MECOM: variants seen among roughly 807,000 people sequenced by gnomAD.
MECOM encodes the protein MDS1 and EVI1 complex locus, also known as histone-lysine N-methyltransferase MECOM.
Under a neutral mutation model 116.3 loss-of-function variants are expected in MECOM, and 13 were observed. That is an observed-to-expected ratio of 0.11 (90% CI 0.07 to 0.18). The LOEUF is 0.18. MECOM is among the 10% of genes least tolerant of loss of function. The pLI, the probability that MECOM is intolerant of heterozygous loss-of-function variation, is 1.00. For missense variants in MECOM, 1,299 were observed against 1,509.0 expected, an observed-to-expected ratio of 0.86 and a Z score of 2.31; for synonymous variants, 528 against 535.2, an observed-to-expected ratio of 0.99 and a Z score of 0.19.
At chr3:169,306,564 C>A (rs1209152369) in intron 2 of MECOM, among the ~76,000 whole-genome samples, 1 of 152,116 alleles carries the variant, frequency 6.6e-6, no homozygotes, top group Non-Finnish European at 1.5e-5. Context: ...CACCTGTAAT[C>A]CCAGCTACTC....
chr3:169,140,806 C>T (rs1305878096), intron 3 of MECOM, among the ~76,000 whole-genome samples: 1 of 62,448 alleles, frequency 1.6e-5, no homozygotes, highest in Non-Finnish European at 4.1e-5. Context: ...AACTGGGTTG[C>T]TTTCATTTTT....
chr3:169,418,893 C>T (rs757136376), intron 1 of MECOM, among the ~76,000 whole-genome samples: 1 of 152,090 alleles, frequency 6.6e-6, no homozygotes, highest in Non-Finnish European at 1.5e-5. Context: ...GAATTTCTGG[C>T]CAAGGCAATC....
intron 2 of MECOM, among the ~76,000 whole-genome samples, chr3:169,226,793 AACTG>A (rs1419759395): frequency 6.6e-6 from 1 of 152,236 alleles, no homozygotes; most frequent in Non-Finnish European, 1.5e-5. Flanking sequence ...GAAGGAATTT[AACTG>A]ACTGTGCTGA....
intron 2 of MECOM, among the ~76,000 whole-genome samples, chr3:169,150,923 C>A (rs1256865583): frequency 3.3e-5 from 5 of 152,104 alleles, no homozygotes; most frequent in Admixed American, 6.5e-5. Flanking sequence ...TCCTTCCTTC[C>A]CCAGCTGTGT....
chr3:169,092,815 G>T, intron 14 of MECOM, 143 bp downstream of exon 14: 1 of 840,754 alleles, frequency 1.2e-6, no homozygotes, highest in Non-Finnish European at 1.8e-6. Context: ...AGCATTTAAT[G>T]TGGTATTTAA....
intron 1 of MECOM, among the ~76,000 whole-genome samples, chr3:169,646,346 G>A (rs1203544579): frequency 6.6e-6 from 1 of 151,196 alleles, no homozygotes; most frequent in Non-Finnish European, 1.5e-5. Context: ...ATAGCATTAG[G>A]AGACATACCT....
chr3:169,120,255 T>C (rs1730542427), intron 7 of MECOM, among the ~76,000 whole-genome samples: 1 of 152,174 alleles, frequency 6.6e-6, no homozygotes, highest in Admixed American at 6.5e-5. Context: ...GAACAACTGA[T>C]TTTACTTATA....
chr3:169,598,159 C>T (rs1298202801), intron 1 of MECOM, among the ~76,000 whole-genome samples: 1 of 152,284 alleles, frequency 6.6e-6, no homozygotes, highest in South Asian at 2.1e-4. Context: ...ACAAAAAATT[C>T]ATTTTTCTCC....
rs774100622 is a variant in MECOM at position 169,115,490 on chromosome 3, G to A, written c.2382C>T (p.Asn794=). Reference sequence around the variant, plus strand: ...TTCCTTTTTTTCCCCCAAACACGTGGTTTTTTCGAGGCTCAGTCAGCTTTG... The same window carrying A: ...TTCCTTTTTTTCCCCCAAACACGTGATTTTTTCGAGGCTCAGTCAGCTTTG... The part of the protein sequence containing the change: ...SGTKLTEPRK[N]HVFGGKKGSN... The change falls in exon 8 of 17, where the codon AAC becomes AAT. Residue 794 remains asparagine (N), a synonymous_variant. Coordinates refer to ENST00000651503, the MANE Select transcript of MECOM (RefSeq NM_004991.4). The A allele has an allele frequency of 4.3e-6, 7 of 1,614,092 alleles. No homozygotes were observed. In the South Asian group the frequency reaches 5.5e-5, roughly 13 times the overall value.
At chr3:169,169,835 A>AC (rs975470907) in intron 2 of MECOM, among the ~76,000 whole-genome samples, 1 of 131,070 alleles carries the variant, frequency 7.6e-6, no homozygotes, top group African/African-American at 3.1e-5. Flanking sequence ...CTACAGTTCT[A>AC]CTTTTTTTTT....
intron 2 of MECOM, among the ~76,000 whole-genome samples, chr3:169,308,593 T>C (rs1004428122): frequency 1.3e-5 from 2 of 152,252 alleles, no homozygotes; most frequent in Non-Finnish European, 2.9e-5. Flanking sequence ...AGCCACTGCA[T>C]ATAACTTCAT....
chr3:169,151,901 T>G, intron 2 of MECOM, among the ~76,000 whole-genome samples: 1 of 152,250 alleles, frequency 6.6e-6, no homozygotes, highest in East Asian at 1.9e-4. Context: ...CACAATTTCT[T>G]TTCCCAAATC....
At chr3:169,319,895 T>C (rs1173483779) in intron 2 of MECOM, among the ~76,000 whole-genome samples, 1 of 152,186 alleles carries the variant, frequency 6.6e-6, no homozygotes, top group African/African-American at 2.4e-5. Context: ...AGTCAAGAAA[T>C]ATTTCAAATG....
chr3:169,504,615 C>A (rs1347658519), intron 1 of MECOM, among the ~76,000 whole-genome samples: 1 of 152,130 alleles, frequency 6.6e-6, no homozygotes, highest in Non-Finnish European at 1.5e-5. Context: ...TCATTTGTTT[C>A]CATACCCAAC....
intron 2 of MECOM, among the ~76,000 whole-genome samples, chr3:169,204,175 C>T (rs1032577057): frequency 6.6e-6 from 1 of 152,160 alleles, no homozygotes; most frequent in Non-Finnish European, 1.5e-5. Flanking sequence ...GTTACCACAA[C>T]ATACTTAACA....
chr3:169,117,788 T>C (rs753246521), intron 7 of MECOM, among the ~76,000 whole-genome samples: 2 of 152,224 alleles, frequency 1.3e-5, no homozygotes, highest in Admixed American at 6.5e-5. Flanking sequence ...CCAAACTTTG[T>C]AACCCTTAAT....
intron 12 of MECOM, among the ~76,000 whole-genome samples, chr3:169,096,929 AC>A (rs1436417666): frequency 6.6e-6 from 1 of 150,536 alleles, no homozygotes; most frequent in Admixed American, 6.7e-5. Context: ...ATTGTGTGAA[AC>A]CCCACATTAT....
intron 2 of MECOM, among the ~76,000 whole-genome samples, chr3:169,191,824 A>G (rs1224168043): frequency 2.0e-5 from 3 of 151,896 alleles, no homozygotes; most frequent in Non-Finnish European, 2.9e-5. Flanking sequence ...TTTGCTGTGT[A>G]ATAAACAGAG....
intron 2 of MECOM, among the ~76,000 whole-genome samples, chr3:169,369,449 C>T (rs1244991288): frequency 6.9e-6 from 1 of 145,624 alleles, no homozygotes; most frequent in Non-Finnish European, 1.5e-5. Flanking sequence ...TGGGTTCAAG[C>T]AATCTTCCTG....
Sources: allele counts gnomAD v4.1 joint callset (sites outside exome capture counted in the v4.1 genomes callset), GRCh38; gene constraint gnomAD v4.1.1; transcripts MANE v1.5; gene names NCBI Gene and HGNC (gene_info 2026-07-23, HGNC 2026-07-21).